JAG1: variants seen among roughly 807,000 people sequenced by gnomAD.
The protein encoded by JAG1 is jagged canonical Notch ligand 1.
In JAG1, 23 loss-of-function variants were observed where a neutral mutation model predicts 148.7. That is an observed-to-expected ratio of 0.15 (90% confidence interval 0.11 to 0.22). The LOEUF (loss-of-function observed/expected upper bound fraction) is 0.22. JAG1 is among the 10% of genes least tolerant of loss of function. The probability of loss-of-function intolerance (pLI) is 1.00; values close to 1 mark genes in which losing one functional copy is unlikely to be tolerated. For missense variants in JAG1, 1,054 were observed against 1,611.2 expected, an observed-to-expected ratio of 0.65 and a Z score of 5.92; for synonymous variants, 572 against 598.3, an observed-to-expected ratio of 0.96 and a Z score of 0.64.
chr20:10,657,611 TA>T (rs2067387249), intron 4 of JAG1, among the ~76,000 whole-genome samples: 1 of 152,168 alleles, frequency 6.6e-6, no homozygotes, highest in African/African-American at 2.4e-5. Context: ...ACAATTTACC[TA>T]ATTATCATGT....
At chr20:10,647,829 C>T in intron 13 of JAG1, 131 bp downstream of exon 13, 1 of 1,004,070 alleles carries the variant, frequency 1.0e-6, no homozygotes, top group Non-Finnish European at 1.5e-6. Context: ...GCTACACAGG[C>T]AGGATCATTT....
intron 25 of JAG1, among the ~76,000 whole-genome samples, chr20:10,640,164 C>G (rs1249579273): frequency 6.6e-6 from 1 of 152,222 alleles, no homozygotes. Flanking sequence ...CCTTGATACT[C>G]TTATCCCTGG....
chr20:10,665,379 G>A (rs1378355766), intron 2 of JAG1, among the ~76,000 whole-genome samples: 1 of 152,198 alleles, frequency 6.6e-6, no homozygotes, highest in Admixed American at 6.5e-5. Context: ...ATAACTGTGG[G>A]AAAATGCTCA....
At chr20:10,659,557 TA>T (rs1256374625) in intron 3 of JAG1, among the ~76,000 whole-genome samples, 5 of 132,602 alleles carry the variant, frequency 3.8e-5, no homozygotes, top group Non-Finnish European at 7.9e-5. Flanking sequence ...ACGATTAAGT[TA>T]CTTTTTTTTT....
chr20:10,652,005 G>T, intron 7 of JAG1, 126 bp downstream of exon 7: 1 of 1,107,500 alleles, frequency 9.0e-7, no homozygotes. Context: ...AGAATGGTTG[G>T]GATAAGGCCT....
At chr20:10,656,002 C>T (rs1350613170) in intron 5 of JAG1, among the ~76,000 whole-genome samples, 1 of 152,150 alleles carries the variant, frequency 6.6e-6, no homozygotes, top group East Asian at 1.9e-4. Context: ...GGACTTTCGC[C>T]TATTGATGGG....
At chr20:10,648,945 C>T in intron 11 of JAG1, 116 bp downstream of exon 11, 1 of 997,434 alleles carries the variant, frequency 1.0e-6, no homozygotes, top group South Asian at 1.4e-5. Flanking sequence ...TTCCAAGAGA[C>T]TCTTTTTTCA....
Position 10,643,842 on chromosome 20 carries a change from C to T in JAG1, c.2394G>A (p.Val798=), listed in dbSNP as rs1374399223. ...PHPCYNSGTC[V]DGDNWYRCEC... ...CGCACCGGTACCAGTTGTCTCCATC[C>T]ACACAGGTGCCGCTGTTGTAACTAA... Residue 798 remains valine, a synonymous_variant, in exon 20 of 26, where the codon GTG becomes GTA. Coordinates refer to ENST00000254958, the MANE Select transcript of JAG1 (RefSeq NM_000214.3). The T allele has an allele frequency of 3.7e-6, 6 of 1,613,988 alleles. No individual in the cohort carries two copies. The highest frequency in any genetic ancestry group is 5.1e-6 in the Non-Finnish European group (6 of 1,179,996).
intron 12 of JAG1, 140 bp from the exon 13 acceptor site, chr20:10,648,250 C>T (rs960323001): frequency 9.8e-7 from 1 of 1,024,474 alleles, no homozygotes; most frequent in African/African-American, 1.6e-5. Flanking sequence ...AGATACATCT[C>T]TATGCTGTAG....
rs774378498 is a variant in JAG1 at position 10,649,654 on chromosome 20, G to A, written c.1235-19C>T. The A allele has an allele frequency of 2.7e-6, 4 of 1,458,374 alleles. No individual in the cohort carries two copies. Among genetic ancestry groups the A allele is most frequent in the East Asian group, 4.5e-5 (2 of 44,082 alleles). The allele number at this position is 1,458,374 out of a possible 1,614,324, so 90.3% of individuals were successfully genotyped here. On this transcript the variant is annotated intron_variant, in intron 9 of 25. Transcript: ENST00000254958. ...TTTGCATCTGAAAGGAGATGGGGATGAGCATGAGAAATGAAGTTCAACCCC... is the reference window on the plus strand; with the variant it reads ...TTTGCATCTGAAAGGAGATGGGGATAAGCATGAGAAATGAAGTTCAACCCC...
intron 24 of JAG1, 84 bp from the exon 25 acceptor site, chr20:10,641,017 CA>C: frequency 6.2e-7 from 1 of 1,610,890 alleles, no homozygotes; most frequent in Non-Finnish European, 8.5e-7. Context: ...TCTGTGTCTG[CA>C]AAGCTTTTTG....
At position 10,673,086 on chromosome 20, in the gene JAG1, TC is replaced by T; in HGVS notation, c.82-81del. ...TATAGAGGTGGCGACTCCCTCCCAC[TC>T]CCCGCCCCGACGAGCCCTCCTCGCC... On this transcript the variant is annotated intron_variant, in intron 1 of 25. Transcript: ENST00000254958. The surrounding 1 kb of genome is among the most constrained non-coding windows in gnomAD (Gnocchi z 4.7). The T allele has an allele frequency of 7.5e-7, 1 of 1,330,982 alleles. No homozygotes were observed. The highest frequency in any genetic ancestry group is 1.0e-6 in the Non-Finnish European group (1 of 953,878). The allele number at this position is 1,330,982 out of a possible 1,614,324, so 82.4% of individuals were successfully genotyped here.
chr20:10,662,164 A>AT (rs2067421697), intron 3 of JAG1: 1 of 152,294 alleles, frequency 6.6e-6, no homozygotes, highest in Admixed American at 6.5e-5. Context: ...ATAACCTGCA[A>AT]TGGGCACCCT....
intron 2 of JAG1, among the ~76,000 whole-genome samples, chr20:10,670,856 A>G (rs546009454): frequency 7.9e-5 from 12 of 152,286 alleles, no homozygotes; most frequent in African/African-American, 2.9e-4. Flanking sequence ...ATGCAAATCA[A>G]TCGCCTCTCC....
intron 25 of JAG1, 102 bp from the exon 26 acceptor site, chr20:10,640,057 C>T: frequency 1.1e-6 from 1 of 924,198 alleles, no homozygotes; most frequent in Non-Finnish European, 1.7e-6. Flanking sequence ...TGCCCTTTAT[C>T]CCTAAGAGGG....
chr20:10,646,498 T>A (rs536469192), intron 14 of JAG1: 11 of 356,414 alleles, frequency 3.1e-5, no homozygotes, highest in South Asian at 2.5e-4. Context: ...CCTTACTGTT[T>A]CTGATTAAAA....
chr20:10,647,232 G>T (rs1009259728), intron 13 of JAG1, 129 bp from the exon 14 acceptor site: 3 of 1,059,180 alleles, frequency 2.8e-6, no homozygotes, highest in South Asian at 2.6e-5. Flanking sequence ...ACACCCCAGG[G>T]AAGCCAAGAT....
In JAG1 at chr20:10,673,321, G is replaced by T. The variant is rs1437888439; in HGVS notation, c.81+129C>A. The T allele has an allele frequency of 1.5e-5, 11 of 756,222 alleles. No individual in the cohort carries two copies. Among genetic ancestry groups the T allele is most frequent in the Non-Finnish European group, 2.1e-5 (10 of 475,250 alleles). The allele number at this position is 756,222 out of a possible 1,614,324, so 46.8% of individuals were successfully genotyped here. Reference sequence around the variant, plus strand: ...TGGCGCGCTCAGCCCAGGTGCAGCCGCTCGGGCGCAGGGGCGAGGAGTCGG... The same window carrying T: ...TGGCGCGCTCAGCCCAGGTGCAGCCTCTCGGGCGCAGGGGCGAGGAGTCGG... On this transcript the variant is annotated intron_variant, in intron 1 of 25. Transcript: ENST00000254958. This position sits in a 1 kb window ranked among gnomAD's most constrained non-coding sequence, Gnocchi z 4.7.
At chr20:10,661,160 G>T (rs953468034) in intron 3 of JAG1, among the ~76,000 whole-genome samples, 1 of 152,168 alleles carries the variant, frequency 6.6e-6, no homozygotes, top group Non-Finnish European at 1.5e-5. Context: ...GATGACAGAA[G>T]GACCAGCCTT....
Sources: gnomAD v4.1 joint callset for allele counts (sites outside exome capture counted in the v4.1 genomes callset) on GRCh38, gnomAD v4.1.1 for gene constraint, Gnocchi (gnomAD v3.1) non-coding constraint, MANE v1.5 for transcripts, NCBI Gene and HGNC (gene_info 2026-07-23, HGNC 2026-07-21) for gene names.